The following ILKAP variants were observed in gnomAD, a reference collection of about 807,000 sequenced individuals.
The protein encoded by ILKAP is integrin-linked kinase-associated serine/threonine phosphatase 2C.
In ILKAP, 11 loss-of-function variants were observed where a neutral mutation model predicts 49.1. The observed-to-expected ratio is 0.22, with a 90% CI of 0.14 to 0.37. The LOEUF (loss-of-function observed/expected upper bound fraction) is 0.37. Ranked by LOEUF, ILKAP falls within the 10% of genes least tolerant of loss-of-function variation. The pLI is 1.00. For missense variants in ILKAP, 363 were observed against 510.8 expected (o/e 0.71, Z 2.79); for synonymous variants, 186 against 192.8 (o/e 0.96, Z 0.29).
intron 9 of ILKAP, among the ~76,000 whole-genome samples, chr2:238,181,371 G>A (rs1307369118): frequency 6.6e-6 from 1 of 152,182 alleles, no homozygotes; most frequent in Non-Finnish European, 1.5e-5. Context: ...AAAGACTTAT[G>A]CCCTCCTTTA....
At chr2:238,175,229 G>A (rs1693398769) in intron 9 of ILKAP, among the ~76,000 whole-genome samples, 1 of 151,730 alleles carries the variant, frequency 6.6e-6, no homozygotes, top group South Asian at 2.1e-4. Flanking sequence ...CTCCTGAGTA[G>A]CTAGAACTAC....
intron 9 of ILKAP, among the ~76,000 whole-genome samples, chr2:238,181,784 A>T (rs1438471170): frequency 1.3e-5 from 2 of 152,108 alleles, no homozygotes; most frequent in African/African-American, 4.8e-5. Context: ...CACCACGAAA[A>T]GTGACAGTAT....
At chr2:238,185,501 A>G in intron 5 of ILKAP, 4 of 465,894 alleles carry the variant, frequency 8.6e-6, no homozygotes, top group South Asian at 7.7e-5. Context: ...TCTTTTTTTA[A>G]AAAAAAAATA....
intron 6 of ILKAP, 32 bp downstream of exon 6, chr2:238,185,149 T>A (rs768072467): frequency 7.3e-7 from 1 of 1,378,696 alleles, no homozygotes; most frequent in East Asian, 2.3e-5. Context: ...ATAACCAATT[T>A]GAGTATCAAC....
chr2:238,195,349 C>T lies in ILKAP; in HGVS notation c.56-479G>A, dbSNP rs182324265. On this transcript the variant is annotated intron_variant, in intron 1 of 11. Transcript: ENST00000254654. Reference sequence around the variant, plus strand: ...AAAATCCTATTTCGGTAACATTCTGCAAGGGAAGAAAATCTGTTGGAACCT... The same window carrying T: ...AAAATCCTATTTCGGTAACATTCTGTAAGGGAAGAAAATCTGTTGGAACCT... Among the ~76,000 whole-genome samples the T allele has an allele frequency of 9.9e-5, 15 of 152,178 alleles. No homozygotes were observed. In the East Asian group the frequency reaches 2.9e-3, roughly 29 times the overall value.
rs1282251900 is a variant in ILKAP at position 238,183,631 on chromosome 2, G to A, written c.714+22C>T. On this transcript the variant is annotated intron_variant, in intron 8 of 11. Transcript: ENST00000254654. ...CCATAAAACGTATTGTCATCTAAGT[G>A]GGTGGCTCCAGAGCCACATACCCGA... The A allele has an allele frequency of 4.6e-6, 7 of 1,517,314 alleles. No homozygotes were observed. In the East Asian group the frequency reaches 6.7e-5, roughly 15 times the overall value. The allele number at this position is 1,517,314 out of a possible 1,614,324, so 94.0% of individuals were successfully genotyped here.
chr2:238,201,111 G>A (rs1281519259), intron 1 of ILKAP, among the ~76,000 whole-genome samples: 1 of 152,210 alleles, frequency 6.6e-6, no homozygotes, highest in Non-Finnish European at 1.5e-5. Context: ...TCATGTGTGA[G>A]GGTCATGATG....
chr2:238,171,446 C>G (rs1389444733), intron 10 of ILKAP, among the ~76,000 whole-genome samples: 2 of 152,178 alleles, frequency 1.3e-5, no homozygotes, highest in Non-Finnish European at 2.9e-5. Context: ...CAGGCATGAG[C>G]CACAGCGCCT....
Position 238,185,302 on chromosome 2 carries a change from TGA to T in ILKAP, c.426-17_426-16del. The T allele has an allele frequency of 6.6e-7, 1 of 1,505,244 alleles. No homozygotes were observed. The highest frequency in any genetic ancestry group is 9.2e-7 in the Non-Finnish European group (1 of 1,083,000). 93.2% of individuals were successfully genotyped at this position (1,505,244 alleles called of 1,614,324 possible). A position where few individuals can be genotyped will look rare whatever the true frequency, so the allele number is the denominator to read the frequency against. ...AAACCCGAGTACTGAAAGAACGAAT[TGA>T]GAGTTAATCAAATTCTCACAGCAAA... On this transcript the variant is annotated splice_polypyrimidine_tract_variant and intron_variant, in intron 5 of 11. Coordinates refer to ENST00000254654, the MANE Select transcript of ILKAP (RefSeq NM_030768.3).
chr2:238,172,725 G>A (rs762302130), intron 10 of ILKAP, among the ~76,000 whole-genome samples: 3 of 152,200 alleles, frequency 2.0e-5, no homozygotes, highest in Non-Finnish European at 4.4e-5. Context: ...GCACTGGGGC[G>A]GGACTCAGAG....
At chr2:238,188,108 G>A (rs762250296) in intron 5 of ILKAP, 23 bp downstream of exon 5, 3 of 1,611,984 alleles carry the variant, frequency 1.9e-6, no homozygotes, top group Non-Finnish European at 2.5e-6. Context: ...TGCCAGCCGG[G>A]CTTCCTACCA....
At position 238,170,625 on chromosome 2, in the gene ILKAP, C is replaced by T. The variant is rs768889667; in HGVS notation, c.1090G>A (p.Glu364Lys). The T allele has an allele frequency of 1.1e-4, 173 of 1,604,074 alleles. No homozygotes were observed. Among genetic ancestry groups the T allele is most frequent in the Non-Finnish European group, 1.4e-4 (165 of 1,172,158 alleles). The change falls in exon 12 of 12, where the codon GAA becomes AAA. Residue 364 changes from glutamate (E) to lysine (K), a missense_variant. This residue lies in a region of ILKAP where 83 missense variants were observed against 87.5 expected (regional missense o/e 0.95). Coordinates refer to ENST00000254654, the MANE Select transcript of ILKAP (RefSeq NM_030768.3). ...TTGGCCAGCCTGTTGCAGGCTGCTT[C>T]GTAGCGGGCGTCGGCTGCGGACTTC... ...EGKSAADARY[E>K]AACNRLANKA...
rs1242445679 is a variant in ILKAP, at chr2:238,185,405, G to A, written c.426-118C>T. ...TTAATAAGTCAGAGGAAGTCACACT[G>A]GTTAAGACACCAGTCACACTGTTAC... On this transcript the variant is annotated intron_variant, in intron 5 of 11. Transcript: ENST00000254654. 9.4e-6 allele frequency: 6 copies of A among 637,968 alleles called. No homozygotes were observed. In the African/African-American group the frequency reaches 1.1e-4, roughly 12 times the overall value. The allele number at this position is 637,968 out of a possible 1,614,324, so 39.5% of individuals were successfully genotyped here.
chr2:238,177,359 T>C (rs1693505688), intron 9 of ILKAP, among the ~76,000 whole-genome samples: 1 of 152,202 alleles, frequency 6.6e-6, no homozygotes, highest in Non-Finnish European at 1.5e-5. Flanking sequence ...CATTTTTAAG[T>C]GTACAGTTCA....
intron 9 of ILKAP, among the ~76,000 whole-genome samples, chr2:238,179,129 C>T (rs1448846457): frequency 6.6e-6 from 1 of 152,154 alleles, no homozygotes; most frequent in Non-Finnish European, 1.5e-5. Context: ...AACATTAATA[C>T]ACACATATGA....
chr2:238,197,355 C>A (rs1694385552), intron 1 of ILKAP, among the ~76,000 whole-genome samples: 1 of 152,194 alleles, frequency 6.6e-6, no homozygotes, highest in Non-Finnish European at 1.5e-5. Flanking sequence ...ATGAGATGTT[C>A]CAGACAATCA....
At position 238,185,222 on chromosome 2, in the gene ILKAP, G is replaced by A; in HGVS notation, c.491C>T (p.Ala164Val). The A allele has an allele frequency of 6.2e-7, 1 of 1,613,540 alleles. No homozygotes were observed. The highest frequency in any genetic ancestry group is 8.5e-7 in the Non-Finnish European group (1 of 1,179,510). Residue 164 changes from alanine (A) to valine (V), a missense_variant, in exon 6 of 12, where the codon GCA becomes GTA. By Grantham distance (64) the Ala-to-Val change is moderately conservative. Around this residue, in one of 3 missense-constraint regions of ILKAP, gnomAD observed 166 missense variants for 307.3 expected, o/e 0.54. Coordinates refer to ENST00000254654, the MANE Select transcript of ILKAP (RefSeq NM_030768.3). ...GATTAAGTTTTGATGCAAATTCTGT[G>A]CAGCAAATTTTGAGGCTCGAATTCC... Reference protein sequence around the residue: ...HGGIRASKFAAQNLHQNLIRK... With the variant: ...HGGIRASKFAVQNLHQNLIRK...
chr2:238,192,156 G>C (rs1694154204), intron 3 of ILKAP, among the ~76,000 whole-genome samples: 1 of 148,608 alleles, frequency 6.7e-6, no homozygotes, highest in Admixed American at 6.7e-5. Flanking sequence ...GCAGTGAGCT[G>C]AGATCGCAAC....
intron 9 of ILKAP, among the ~76,000 whole-genome samples, chr2:238,181,488 T>A (rs1380586688): frequency 1.3e-5 from 2 of 152,232 alleles, no homozygotes; most frequent in African/African-American, 4.8e-5. Flanking sequence ...AAGTAAGACA[T>A]GGTCCTCTGT....
Sources: allele counts gnomAD v4.1 joint callset (sites outside exome capture counted in the v4.1 genomes callset), GRCh38; gene constraint gnomAD v4.1.1; regional missense constraint gnomAD v4.1.1; transcripts MANE v1.5; gene names NCBI Gene and HGNC (gene_info 2026-07-23, HGNC 2026-07-21).